The following TTC39B variants were observed in gnomAD, a reference collection of about 807,000 sequenced individuals.
TTC39B encodes the protein tetratricopeptide repeat domain 39B.
A neutral mutation model predicts 96.6 loss-of-function variants in TTC39B; 92 were observed. The observed-to-expected ratio is 0.95, with a 90% confidence interval of 0.80 to 1.13. The LOEUF (loss-of-function observed/expected upper bound fraction) is 1.13, where lower values mean the gene tolerates loss of function less well. Among genes scored for constraint, TTC39B ranks in the 50% most tolerant of loss-of-function variants. The probability of loss-of-function intolerance (pLI) is 0.00; values close to 1 mark genes in which losing one functional copy is unlikely to be tolerated. For missense variants in TTC39B, 955 were observed against 809.3 expected, an observed-to-expected ratio of 1.18 and a Z score of -2.18; for synonymous variants, 367 against 299.4, an observed-to-expected ratio of 1.23 and a Z score of -2.33.
intron 2 of TTC39B, among the ~76,000 whole-genome samples, chr9:15,251,068 C>T (rs1177884557): frequency 5.9e-5 from 9 of 151,888 alleles, no homozygotes; most frequent in Non-Finnish European, 1.5e-5. Flanking sequence ...TGGTGGCTCA[C>T]GCCTGTAGTC....
intron 2 of TTC39B, among the ~76,000 whole-genome samples, chr9:15,266,636 C>T (rs1823140834): frequency 1.3e-5 from 2 of 152,058 alleles, no homozygotes; most frequent in South Asian, 2.1e-4. Flanking sequence ...GTAAAACAAA[C>T]GGTGCCCCTC....
At chr9:15,299,192 T>C (rs1352579082) in intron 1 of TTC39B, among the ~76,000 whole-genome samples, 4 of 152,180 alleles carry the variant, frequency 2.6e-5, no homozygotes, top group Admixed American at 1.3e-4. Context: ...AGACTGAAAA[T>C]TGTCACTCAC....
At chr9:15,207,876 C>T (rs533626948) in intron 6 of TTC39B, among the ~76,000 whole-genome samples, 5 of 144,992 alleles carry the variant, frequency 3.4e-5, no homozygotes, top group African/African-American at 1.0e-4. Flanking sequence ...CCCAGCTACT[C>T]GGGAGGCTGA....
chr9:15,273,716 A>G (rs1823438925), intron 1 of TTC39B, among the ~76,000 whole-genome samples: 1 of 152,046 alleles, frequency 6.6e-6, no homozygotes, highest in South Asian at 2.1e-4. Flanking sequence ...GAGCTTTCCC[A>G]CCCAACATTC....
chr9:15,226,106 T>A, intron 2 of TTC39B, 94 bp from the exon 3 acceptor site: 1 of 997,842 alleles, frequency 1.0e-6, no homozygotes, highest in South Asian at 1.7e-5. Context: ...GTCTTCCAAT[T>A]ATTTTTATAC....
At chr9:15,262,449 A>T (rs974195259) in intron 2 of TTC39B, among the ~76,000 whole-genome samples, 1 of 152,192 alleles carries the variant, frequency 6.6e-6, no homozygotes, top group Non-Finnish European at 1.5e-5. Flanking sequence ...ACATTTTTGT[A>T]CATCTCTAAT....
intron 1 of TTC39B, among the ~76,000 whole-genome samples, chr9:15,285,096 C>T (rs537596208): frequency 2.6e-5 from 4 of 152,060 alleles, no homozygotes; most frequent in African/African-American, 9.6e-5. Context: ...CCCGTCTCTA[C>T]TCAAAATACA....
intron 4 of TTC39B, 102 bp from the exon 5 acceptor site, chr9:15,211,499 T>C (rs1820199087): frequency 1.1e-5 from 12 of 1,050,856 alleles, no homozygotes; most frequent in Non-Finnish European, 1.5e-5. Flanking sequence ...TAACCTTTAT[T>C]CCTTCACCAT....
chr9:15,256,487 G>A (rs776715812), intron 2 of TTC39B, among the ~76,000 whole-genome samples: 3 of 152,154 alleles, frequency 2.0e-5, no homozygotes, highest in Admixed American at 6.5e-5. Flanking sequence ...TGGTGCATAG[G>A]TGCCAAGTAC....
chr9:15,167,011 TA>T (rs1564299833), exon 20 of TTC39B: 115 of 9,276 alleles, frequency 0.012, 17 homozygotes, highest in East Asian at 0.033. Flanking sequence ...TATATATATA[TA>T]TATATATATA....
At chr9:15,251,778 G>C (rs1364416892) in intron 2 of TTC39B, among the ~76,000 whole-genome samples, 1 of 134,236 alleles carries the variant, frequency 7.4e-6, no homozygotes, top group African/African-American at 2.7e-5. Flanking sequence ...ATGTATTTTT[G>C]ATACTACTAT....
intron 1 of TTC39B, among the ~76,000 whole-genome samples, chr9:15,270,751 T>TAA (rs35620989): frequency 1.3e-5 from 2 of 149,820 alleles, no homozygotes; most frequent in Admixed American, 1.3e-4. Flanking sequence ...CTTTTTTATT[T>TAA]AAAAAAAAAA....
chr9:15,307,018 C>T lies in TTC39B; in HGVS notation c.240+66G>A. ...GCCTCGGCCGTCCTAGCCGGGCTCA[C>T]TCTTCTCTCCCGGACTCCTGTCCAG... is the stretch of plus-strand genomic sequence containing the variant. On this transcript the variant is annotated intron_variant, in intron 1 of 19. Transcript: ENST00000512701. 3.2e-6 allele frequency: 5 copies of T among 1,573,828 alleles called. No homozygotes were observed. In the South Asian group the frequency reaches 5.8e-5, roughly 18 times the overall value.
chr9:15,268,714 A>T (rs1022018716), intron 1 of TTC39B, among the ~76,000 whole-genome samples: 4 of 151,952 alleles, frequency 2.6e-5, no homozygotes, highest in African/African-American at 4.8e-5. Context: ...TGACATCCCT[A>T]CCACTCTTAC....
chr9:15,229,535 A>G (rs1361465603), intron 2 of TTC39B, among the ~76,000 whole-genome samples: 1 of 152,252 alleles, frequency 6.6e-6, no homozygotes, highest in Non-Finnish European at 1.5e-5. Context: ...TGTTGTGCAT[A>G]ACAAACCTTA....
chr9:15,261,467 C>T (rs1007478010), intron 2 of TTC39B, among the ~76,000 whole-genome samples: 1 of 100,130 alleles, frequency 1.0e-5, no homozygotes, highest in African/African-American at 5.3e-5. Context: ...AGAGTGAGAT[C>T]CTATCAAAAA....
chr9:15,230,302 A>T (rs1187134466), intron 2 of TTC39B, among the ~76,000 whole-genome samples: 1 of 151,534 alleles, frequency 6.6e-6, no homozygotes, highest in East Asian at 2.0e-4. Flanking sequence ...TTTTTAGTAT[A>T]TTCACAGACT....
chr9:15,286,534 TC>T (rs1320131470), intron 1 of TTC39B, among the ~76,000 whole-genome samples: 6 of 152,208 alleles, frequency 3.9e-5, no homozygotes, highest in African/African-American at 1.4e-4. Flanking sequence ...CAAGGTGTTG[TC>T]CTATTTCTCC....
chr9:15,271,584 C>A (rs1365370080), intron 1 of TTC39B, among the ~76,000 whole-genome samples: 1 of 152,156 alleles, frequency 6.6e-6, no homozygotes, highest in African/African-American at 2.4e-5. Context: ...CACGCCACCG[C>A]TGATCTAACA....
Sources: gnomAD v4.1 joint callset for allele counts (sites outside exome capture counted in the v4.1 genomes callset) on GRCh38, gnomAD v4.1.1 for gene constraint, MANE v1.5 for transcripts, NCBI Gene and HGNC (gene_info 2026-07-23, HGNC 2026-07-21) for gene names.